The following RHOBTB3 variants were observed in gnomAD, a reference collection of about 807,000 sequenced individuals.
RHOBTB3 encodes rho-related BTB domain-containing protein 3.
A neutral mutation model predicts 67.2 loss-of-function variants in RHOBTB3; 47 were observed. The observed-to-expected ratio is 0.70, with a 90% confidence interval of 0.55 to 0.89. The LOEUF (loss-of-function observed/expected upper bound fraction) is 0.89, where lower values mean the gene tolerates loss of function less well. Among genes scored for constraint, RHOBTB3 ranks in the 40% least tolerant of loss-of-function variants. The pLI is 0.00. For synonymous variants in RHOBTB3, 273 were observed against 274.2 expected (o/e 1.00, Z 0.04); for missense variants, 631 against 750.0 (o/e 0.84, Z 1.85).
chr5:95,750,798 C>T (rs1745069078), intron 4 of RHOBTB3, among the ~76,000 whole-genome samples: 1 of 152,126 alleles, frequency 6.6e-6, no homozygotes, highest in East Asian at 1.9e-4. Context: ...CTTTGATGTC[C>T]ACTTGTGTGC....
upstream of RHOBTB3, among the ~76,000 whole-genome samples, chr5:95,727,447 A>G (rs1755089521): frequency 6.6e-6 from 1 of 152,234 alleles, no homozygotes; most frequent in South Asian, 2.1e-4. Context: ...GAATTACTTT[A>G]CATGTCCTTA....
Position 95,748,394 on chromosome 5 carries a change from T to C in RHOBTB3, c.477T>C (p.Thr159=), listed in dbSNP as rs773687458. 6.2e-7 allele frequency: 1 copy of C among 1,613,610 alleles called. No homozygotes were observed. Among genetic ancestry groups the C allele is most frequent in the Non-Finnish European group, 8.5e-7 (1 of 1,179,542 alleles). ...TSDRGSCVST[T]EGIQLAKELG... Reference sequence around the variant, plus strand: ...ACAGAGGGAGCTGTGTTAGTACAACTGAAGGGATCCAACTTGCAAAAGAAC... The same window carrying C: ...ACAGAGGGAGCTGTGTTAGTACAACCGAAGGGATCCAACTTGCAAAAGAAC... The change falls in exon 4 of 12, where the codon ACT becomes ACC. Residue 159 remains threonine, a synonymous_variant. Coordinates refer to ENST00000379982, the MANE Select transcript of RHOBTB3 (RefSeq NM_014899.4).
At position 95,790,564 on chromosome 5, in the gene RHOBTB3, T is replaced by A. The variant is rs75666898; in HGVS notation, c.1720+1706T>A. ...ATAAAGTATGTTATGACACCTGGCA[T>A]GGTGCAAAGCAGGACTTCCAGTGCG... On this transcript the variant is annotated intron_variant, in intron 11 of 11. Transcript: ENST00000379982. Among the ~76,000 whole-genome samples the A allele has an allele frequency of 3.3e-3, 498 of 152,352 alleles. 4 individuals carry two copies. Among genetic ancestry groups the A allele is most frequent in the African/African-American group, 0.011 (442 of 41,574 alleles).
chr5:95,729,617 T>C (rs150986923), upstream of RHOBTB3, among the ~76,000 whole-genome samples: 1 of 152,322 alleles, frequency 6.6e-6, no homozygotes, highest in African/African-American at 2.4e-5. Context: ...ATGCAACAGA[T>C]CTCTGTAACT....
At chr5:95,786,892 G>C (rs1460659724) in intron 10 of RHOBTB3, among the ~76,000 whole-genome samples, 5 of 152,096 alleles carry the variant, frequency 3.3e-5, no homozygotes, top group Non-Finnish European at 7.3e-5. Flanking sequence ...TCCTGTTACA[G>C]AGTCCCTAGA....
At chr5:95,742,839 G>A (rs1028331552) in intron 3 of RHOBTB3, among the ~76,000 whole-genome samples, 7 of 152,184 alleles carry the variant, frequency 4.6e-5, no homozygotes, top group Admixed American at 1.3e-4. Context: ...TCGGGAGGCC[G>A]AGGCGGGCGG....
intron 2 of RHOBTB3, among the ~76,000 whole-genome samples, chr5:95,736,595 A>C (rs576303589): frequency 6.6e-6 from 1 of 152,238 alleles, no homozygotes. Context: ...AATATAGTGT[A>C]ATTTTAAAAC....
rs1746553175 is a variant in RHOBTB3 at position 95,796,072 on chromosome 5, TG to T, written c.*2900del. On this transcript the variant is annotated 3_prime_UTR_variant, in exon 12 of 12. Coordinates refer to ENST00000379982, the MANE Select transcript of RHOBTB3 (RefSeq NM_014899.4). ...ATTAATTCTGTCCAAGCCAGCATGG[TG>T]GCTTCATATTAAGTAGTAACAGAAG... is the stretch of plus-strand genomic sequence containing the variant. The T allele has an allele frequency of 6.6e-6, 1 of 152,234 alleles. No individual in the cohort carries two copies. The highest frequency in any genetic ancestry group is 2.4e-5 in the African/African-American group (1 of 41,462). The allele number at this position is 152,234 out of a possible 1,614,324, so 9.4% of individuals were successfully genotyped here.
chr5:95,718,799 T>A (rs1754768767), intron 1 of RHOBTB3, among the ~76,000 whole-genome samples: 1 of 151,976 alleles, frequency 6.6e-6, no homozygotes, highest in Non-Finnish European at 1.5e-5. Context: ...CTCAGTTGGA[T>A]AGGGAAGAAA....
At chr5:95,731,018 C>T, upstream of RHOBTB3, 2 of 855,016 alleles carry the variant, frequency 2.3e-6, no homozygotes, top group Non-Finnish European at 3.2e-6. Context: ...GGGGCCCCAT[C>T]GCCCCACCCC....
chr5:95,724,924 G>C (rs1197829620), intron 1 of RHOBTB3, among the ~76,000 whole-genome samples: 2 of 152,024 alleles, frequency 1.3e-5, no homozygotes, highest in Admixed American at 1.3e-4. Flanking sequence ...ATGGTGGCAT[G>C]CACCTGTAGT....
At chr5:95,752,975 CA>C (rs909309083) in intron 5 of RHOBTB3, among the ~76,000 whole-genome samples, 2 of 151,784 alleles carry the variant, frequency 1.3e-5, no homozygotes, top group Non-Finnish European at 2.9e-5. Flanking sequence ...ACTAAAAATA[CA>C]AAAAAATTAG....
intron 3 of RHOBTB3, among the ~76,000 whole-genome samples, chr5:95,745,738 CAG>C (rs371817665): frequency 3.3e-5 from 5 of 152,102 alleles, no homozygotes; most frequent in African/African-American, 7.2e-5. Context: ...AGCACTCATT[CAG>C]AGTCACGTGA....
In RHOBTB3 at chr5:95,790,912, T is replaced by C. The variant is rs3777214; in HGVS notation, c.1720+2054T>C. On this transcript the variant is annotated intron_variant, in intron 11 of 11. Transcript: ENST00000379982. ...CCATATTTTGGCTTCTTTTGAAAAA[T>C]TGGAAGATCTGGCTACCCCAGGCCC... Among the ~76,000 whole-genome samples the C allele has an allele frequency of 7.9e-5, 12 of 152,306 alleles. No individual in the cohort carries two copies. The East Asian group carries it at 2.3e-3, about 29-fold the overall frequency.
intron 7 of RHOBTB3, among the ~76,000 whole-genome samples, chr5:95,764,904 A>G (rs796271163): frequency 2.6e-4 from 39 of 152,218 alleles, no homozygotes; most frequent in African/African-American, 8.9e-4. Flanking sequence ...TGAAGCAGGT[A>G]TACAGAAGCT....
Position 95,752,324 on chromosome 5 carries a change from T to G in RHOBTB3, c.656T>G (p.Ile219Ser). ...AAAATGAGCAACTCCTTTCATGGAATTAGACCACCTCAACTTGAACAACCA... is the reference window on the plus strand; with the variant it reads ...AAAATGAGCAACTCCTTTCATGGAAGTAGACCACCTCAACTTGAACAACCA... ...KRKMSNSFHG[I>S]RPPQLEQPEK... is the part of the protein sequence containing the mutation. The change falls in exon 5 of 12, where the codon ATT (isoleucine) becomes AGT (serine). Residue 219 changes from isoleucine to serine, a missense_variant. Coordinates refer to ENST00000379982, the MANE Select transcript of RHOBTB3 (RefSeq NM_014899.4). 1 of 1,606,352 alleles carries G rather than the reference T, an allele frequency of 6.2e-7. No homozygotes were observed. The highest frequency in any genetic ancestry group is 8.5e-7 in the Non-Finnish European group (1 of 1,176,396).
rs1180114341 is a variant in RHOBTB3 at position 95,731,610 on chromosome 5, C to T, written c.-73C>T. On this transcript the variant is annotated 5_prime_UTR_variant, in exon 1 of 12. Coordinates refer to ENST00000379982, the MANE Select transcript of RHOBTB3 (RefSeq NM_014899.4). ...ATGAGCGGATTGCGGGTGAACTCGC[C>T]GCCCGGGGGCCCCGCGAAGCCGTGA... is the stretch of plus-strand genomic sequence containing the variant. The T allele has an allele frequency of 5.0e-6, 8 of 1,598,950 alleles. No individual in the cohort carries two copies. In the East Asian group the frequency reaches 6.8e-5, roughly 14 times the overall value.
rs75269762 is a variant in RHOBTB3 at position 95,776,806 on chromosome 5, G to A, written c.1283-3446G>A. Among the ~76,000 whole-genome samples, 69 of 152,280 alleles carry A rather than the reference G, an allele frequency of 4.5e-4. No homozygotes were observed. The East Asian group carries it at 0.013, about 28-fold the overall frequency. ...AATTCCGACTTTGTGATGTGGTCAC[G>A]GGGGTTGAGATAGTGCATACAAAGG... On this transcript the variant is annotated intron_variant, in intron 8 of 11. Coordinates refer to ENST00000379982, the MANE Select transcript of RHOBTB3 (RefSeq NM_014899.4).
intron 2 of RHOBTB3, among the ~76,000 whole-genome samples, chr5:95,735,038 T>A (rs1389656791): frequency 1.3e-5 from 2 of 152,222 alleles, no homozygotes; most frequent in African/African-American, 4.8e-5. Context: ...GTCTTCCTTG[T>A]TATACTTACG....
Sources: allele counts gnomAD v4.1 joint callset (sites outside exome capture counted in the v4.1 genomes callset), GRCh38; gene constraint gnomAD v4.1.1; transcripts MANE v1.5; gene names NCBI Gene and HGNC (gene_info 2026-07-23, HGNC 2026-07-21).